Variants in TEX11 observed in about 807,000 individuals in gnomAD.
The protein encoded by TEX11 is testis-expressed protein 11.
Under a neutral mutation model 84.4 loss-of-function variants are expected in TEX11, and 7 were observed. The ratio of observed to expected loss-of-function variants is 0.08; its 90% CI spans 0.05 to 0.16. The LOEUF (loss-of-function observed/expected upper bound fraction) is 0.16, where lower values mean the gene tolerates loss of function less well. Ranked by LOEUF, TEX11 falls within the 10% of genes least tolerant of loss-of-function variation. The pLI is 1.00. For missense variants in TEX11, 551 were observed against 660.5 expected (o/e 0.83, Z 1.82); for synonymous variants, 264 against 222.8 (o/e 1.18, Z -1.64).
At chrX:70,803,361 AC>A (rs1268550138) in intron 9 of TEX11, among the ~76,000 whole-genome samples, 1 of 111,497 alleles carries the variant, frequency 9.0e-6, no homozygotes, top group Non-Finnish European at 1.9e-5. Context: ...CTAAGGGAAC[AC>A]GATCAAAAGA....
chrX:70,519,935 G>A, the TEX11 span, among the ~76,000 whole-genome samples: 3 of 111,603 alleles, frequency 2.7e-5, no homozygotes, highest in African/African-American at 9.8e-5. Flanking sequence ...CATGCGTCAC[G>A]TAGTTCTCAT....
intron 17 of TEX11, among the ~76,000 whole-genome samples, chrX:70,639,828 A>G (rs1251725081): frequency 2.7e-5 from 3 of 111,716 alleles, no homozygotes; most frequent in East Asian, 2.8e-4. Context: ...AAAAAACAGA[A>G]CAGAAAAACT....
At chrX:70,600,649 C>A (rs771762980) in intron 24 of TEX11, among the ~76,000 whole-genome samples, 3 of 97,808 alleles carry the variant, frequency 3.1e-5, no homozygotes, top group East Asian at 3.2e-4. Context: ...TAAAAGAACA[C>A]AAATTATAAC....
chrX:70,633,112 G>T (rs761181343), intron 17 of TEX11, among the ~76,000 whole-genome samples: 5 of 111,223 alleles, frequency 4.5e-5, no homozygotes, highest in African/African-American at 6.5e-5. Context: ...AAACATTACA[G>T]GAATATAAAA....
At chrX:70,684,117 T>C (rs1484545934) in intron 13 of TEX11, among the ~76,000 whole-genome samples, 1 of 111,864 alleles carries the variant, frequency 8.9e-6, no homozygotes, top group Non-Finnish European at 1.9e-5. Context: ...CAAGTGATCC[T>C]ATATACGGAA....
In TEX11 at chrX:70,873,310, G is replaced by A; in HGVS notation, c.160-3C>T. ...AGGTTTACTGCCATTTCTTCAATCT[G>A]GTCAAAGAGAAACATTTCCTTAGTT... On this transcript the variant is annotated splice_polypyrimidine_tract_variant and splice_region_variant and intron_variant, in intron 3 of 29. Transcript: ENST00000374333. The A allele has an allele frequency of 8.6e-7, 1 of 1,156,772 alleles. No individual in the cohort carries two copies. The highest frequency in any genetic ancestry group is 1.2e-6 in the Non-Finnish European group (1 of 847,061).
chrX:70,586,046 G>A (rs757764533), intron 25 of TEX11, among the ~76,000 whole-genome samples: 20 of 112,575 alleles, frequency 1.8e-4, no homozygotes, highest in East Asian at 8.4e-4. Flanking sequence ...GCAAAACTCC[G>A]TCTCAAAACA....
chrX:70,733,133 C>T (rs771899629), intron 11 of TEX11, among the ~76,000 whole-genome samples: 1 of 111,974 alleles, frequency 8.9e-6, no homozygotes, highest in Non-Finnish European at 1.9e-5. Flanking sequence ...CTTCCTTACA[C>T]TTTATACTAA....
At chrX:70,713,642 C>T (rs2090463843) in intron 13 of TEX11, among the ~76,000 whole-genome samples, 1 of 111,407 alleles carries the variant, frequency 9.0e-6, no homozygotes, top group Non-Finnish European at 1.9e-5. Context: ...GTGATATCCC[C>T]TTTATCATTT....
At chrX:70,548,107 T>C (rs1286793478) in intron 28 of TEX11, among the ~76,000 whole-genome samples, 1 of 111,392 alleles carries the variant, frequency 9.0e-6, no homozygotes. Flanking sequence ...GATGAGTTCA[T>C]GTCCTTTGTA....
At chrX:70,893,138 T>C (rs1431282802) in intron 2 of TEX11, among the ~76,000 whole-genome samples, 1 of 111,039 alleles carries the variant, frequency 9.0e-6, no homozygotes, top group African/African-American at 3.3e-5. Flanking sequence ...ATTAGACAGA[T>C]CAACGAGACA....
At chrX:70,635,336 C>T (rs1299972654) in intron 17 of TEX11, among the ~76,000 whole-genome samples, 1 of 112,318 alleles carries the variant, frequency 8.9e-6, no homozygotes, top group African/African-American at 3.2e-5. Context: ...CAGTAAAACT[C>T]ATCACTGGGC....
intron 25 of TEX11, among the ~76,000 whole-genome samples, chrX:70,571,354 T>C (rs776494962): frequency 8.9e-6 from 1 of 112,275 alleles, no homozygotes; most frequent in South Asian, 3.7e-4. Flanking sequence ...TTCATTTCTT[T>C]GTTTTCTGCT....
chrX:70,752,363 A>G (rs1470155515), intron 9 of TEX11, among the ~76,000 whole-genome samples: 2 of 109,174 alleles, frequency 1.8e-5, no homozygotes, highest in African/African-American at 6.7e-5. Flanking sequence ...CTTCTCTACC[A>G]AAAATACAAA....
At position 70,609,289 on chromosome X, in the gene TEX11, T is replaced by G. The variant is rs1314445979; in HGVS notation, c.1793-112A>C. The G allele has an allele frequency of 1.4e-5, 9 of 623,965 alleles. No homozygotes were observed. In the East Asian group the frequency reaches 3.3e-4, roughly 23 times the overall value. The allele number at this position is 623,965 out of a possible 1,213,427, so 51.4% of individuals were successfully genotyped here. On this transcript the variant is annotated intron_variant, in intron 21 of 29. Transcript: ENST00000374333. ...AGGAGTTTGAATTTAGAAAGTTCTT[T>G]TTTGTGTATGTGTGTAGGGGTGCAT... is the stretch of plus-strand genomic sequence containing the variant.
At chrX:70,848,520 G>A (rs143592343) in intron 7 of TEX11, among the ~76,000 whole-genome samples, 58 of 111,269 alleles carry the variant, frequency 5.2e-4, no homozygotes, top group African/African-American at 1.9e-3. Context: ...CTGTACTGGT[G>A]TTTTTCAGTC....
intron 25 of TEX11, among the ~76,000 whole-genome samples, chrX:70,587,293 A>T (rs1436571116): frequency 2.7e-5 from 3 of 112,158 alleles, no homozygotes; most frequent in African/African-American, 9.7e-5. Context: ...CACGTCAGAG[A>T]CCTTCAAGGC....
intron 2 of TEX11, among the ~76,000 whole-genome samples, chrX:70,887,131 C>G (rs1467809902): frequency 1.8e-5 from 2 of 111,767 alleles, no homozygotes; most frequent in African/African-American, 3.2e-5. Flanking sequence ...GGTCTGTATC[C>G]TTCCCTTCAA....
intron 8 of TEX11, among the ~76,000 whole-genome samples, chrX:70,807,988 G>A (rs897070821): frequency 2.9e-5 from 3 of 104,789 alleles, no homozygotes; most frequent in East Asian, 3.0e-4. Flanking sequence ...CCTGTAATCC[G>A]GGCTACTCAG....
Sources: allele counts gnomAD v4.1 joint callset (sites outside exome capture counted in the v4.1 genomes callset), GRCh38; gene constraint gnomAD v4.1.1; transcripts MANE v1.5; gene names NCBI Gene and HGNC (gene_info 2026-07-23, HGNC 2026-07-21).